CATSPERT: variants seen among roughly 807,000 people sequenced by gnomAD.
CATSPERT encodes catsper channel auxiliary subunit tau, also known as cation channel sperm-associated targeting subunit tau.
chr2:201,618,836 C>G, the CATSPERT span: 1 of 1,513,310 alleles, frequency 6.6e-7, no homozygotes, highest in South Asian at 1.2e-5. Context: ...AATCCTTTCA[C>G]CACCCTCCAG....
chr2:201,612,835 T>G, the CATSPERT span, among the ~76,000 whole-genome samples: 1 of 151,928 alleles, frequency 6.6e-6, no homozygotes, highest in Non-Finnish European at 1.5e-5. Flanking sequence ...ACCTGGAAAA[T>G]CGGGACACTC....
At chr2:201,491,609 T>C in the CATSPERT span, 2 of 1,537,144 alleles carry the variant, frequency 1.3e-6, no homozygotes, top group East Asian at 2.4e-5. Context: ...TGAGTTAAAG[T>C]GCTACTTTGC....
the CATSPERT span, among the ~76,000 whole-genome samples, chr2:201,540,010 G>C: frequency 1.1e-4 from 16 of 152,080 alleles, no homozygotes; most frequent in African/African-American, 3.6e-4. Flanking sequence ...TGCAGATATG[G>C]AGAAAATTTT....
chr2:201,501,128 G>T, the CATSPERT span, among the ~76,000 whole-genome samples: 6 of 151,978 alleles, frequency 3.9e-5, no homozygotes, highest in African/African-American at 1.4e-4. Flanking sequence ...GCCGGGCATG[G>T]TGGCTTATGC....
the CATSPERT span, among the ~76,000 whole-genome samples, chr2:201,548,887 G>A: frequency 6.6e-6 from 1 of 152,166 alleles, no homozygotes; most frequent in Non-Finnish European, 1.5e-5. Flanking sequence ...CAGGATTCAT[G>A]GTAAGATCTA....
chr2:201,525,663 G>T, the CATSPERT span, among the ~76,000 whole-genome samples: 1 of 152,018 alleles, frequency 6.6e-6, no homozygotes, highest in Non-Finnish European at 1.5e-5. Flanking sequence ...TGACACAAAA[G>T]ATCAATGAAA....
At chr2:201,580,570 T>G in the CATSPERT span, among the ~76,000 whole-genome samples, 1 of 152,352 alleles carries the variant, frequency 6.6e-6, no homozygotes, top group Non-Finnish European at 1.5e-5. Flanking sequence ...GTCACGAATT[T>G]TCCTTTATTC....
chr2:201,487,820 A>T, the CATSPERT span: 1 of 1,614,116 alleles, frequency 6.2e-7, no homozygotes, highest in Non-Finnish European at 8.5e-7. Flanking sequence ...GCTTTTTCCT[A>T]AAAGCCTTGA....
At chr2:201,533,925 C>T in the CATSPERT span, among the ~76,000 whole-genome samples, 1 of 152,044 alleles carries the variant, frequency 6.6e-6, no homozygotes, top group Non-Finnish European at 1.5e-5. Flanking sequence ...TGAGCTGCCA[C>T]ATAAAAAGCT....
the CATSPERT span, among the ~76,000 whole-genome samples, chr2:201,568,630 A>G: frequency 6.6e-6 from 1 of 152,174 alleles, no homozygotes. Context: ...TGTCTTCTTC[A>G]CAGGCCAAAT....
chr2:201,541,413 A>G, the CATSPERT span, among the ~76,000 whole-genome samples: 38,842 of 150,610 alleles, frequency 0.26, 5,254 homozygotes, highest in African/African-American at 0.3. Flanking sequence ...ATTTTTAAAA[A>G]TTGCCACAGC....
chr2:201,515,368 G>A, the CATSPERT span, among the ~76,000 whole-genome samples: 3 of 151,312 alleles, frequency 2.0e-5, no homozygotes, highest in South Asian at 6.3e-4. Flanking sequence ...CTGAGTAGCT[G>A]GGACCACAGG....
the CATSPERT span, among the ~76,000 whole-genome samples, chr2:201,559,512 C>T: frequency 6.6e-6 from 1 of 152,156 alleles, no homozygotes; most frequent in Non-Finnish European, 1.5e-5. Context: ...AACAGCCCCA[C>T]AAGTTGCTCT....
the CATSPERT span, among the ~76,000 whole-genome samples, chr2:201,590,187 C>T: frequency 6.6e-6 from 1 of 151,246 alleles, no homozygotes; most frequent in African/African-American, 2.4e-5. Flanking sequence ...TTCCTGTGTC[C>T]ATGTGTTCTC....
At chr2:201,542,773 G>A in the CATSPERT span, among the ~76,000 whole-genome samples, 1 of 151,992 alleles carries the variant, frequency 6.6e-6, no homozygotes, top group Non-Finnish European at 1.5e-5. Flanking sequence ...ACAAATATAT[G>A]GTTTACAAAT....
At chr2:201,489,912 A>C in the CATSPERT span, among the ~76,000 whole-genome samples, 1 of 149,254 alleles carries the variant, frequency 6.7e-6, no homozygotes, top group Non-Finnish European at 1.5e-5. Flanking sequence ...GCTGGAGTGC[A>C]CTGGCACCAT....
the CATSPERT span, chr2:201,534,835 G>GAATATCCTCA: frequency 1.2e-6 from 1 of 815,006 alleles, no homozygotes; most frequent in Non-Finnish European, 1.5e-6. Context: ...AAAACTTATG[G>GAATATCCTCA]AATATTAATA....
the CATSPERT span, among the ~76,000 whole-genome samples, chr2:201,505,042 T>A: frequency 6.6e-6 from 1 of 152,182 alleles, no homozygotes; most frequent in East Asian, 1.9e-4. Context: ...GGGTTACTAG[T>A]CACCCTGGTA....
the CATSPERT span, among the ~76,000 whole-genome samples, chr2:201,546,280 A>G: frequency 1.3e-5 from 2 of 152,190 alleles, no homozygotes; most frequent in Admixed American, 6.5e-5. Flanking sequence ...GACTATGATC[A>G]TAGTCAATGT....
Sources: allele counts gnomAD v4.1 joint callset (sites outside exome capture counted in the v4.1 genomes callset), GRCh38; gene constraint gnomAD v4.1.1; transcripts MANE v1.5; gene names NCBI Gene and HGNC (gene_info 2026-07-23, HGNC 2026-07-21).